The following CSMD3 variants were observed in gnomAD, a reference collection of about 807,000 sequenced individuals.
CSMD3 encodes the protein CUB and sushi domain-containing protein 3.
CSMD3 carries 177 observed loss-of-function variants against 435.2 expected under a neutral mutation model. The observed-to-expected ratio is 0.41, with a 90% CI of 0.36 to 0.46. CSMD3 has a LOEUF of 0.46. CSMD3 is among the 20% of genes least tolerant of loss of function. CSMD3 has a pLI of 0.34. For missense variants in CSMD3, 4,265 were observed against 4,504.6 expected (o/e 0.95, Z 1.52); for synonymous variants, 1,656 against 1,520.5 (o/e 1.09, Z -2.07).
At chr8:112,923,357 C>T (rs759648477) in intron 9 of CSMD3, among the ~76,000 whole-genome samples, 1 of 152,078 alleles carries the variant, frequency 6.6e-6, no homozygotes, top group African/African-American at 2.4e-5. Context: ...CTTAAAATTG[C>T]CGATGTGATT....
chr8:112,263,974 C>T (rs1263874374), intron 60 of CSMD3, among the ~76,000 whole-genome samples, 162 bp from the exon 61 acceptor site: 1 of 152,138 alleles, frequency 6.6e-6, no homozygotes, highest in Non-Finnish European at 1.5e-5. Flanking sequence ...CTGAGTCATT[C>T]CTGGAATTAA....
rs141867381 is a variant in CSMD3, at chr8:113,207,259, T to C, written c.515-33343A>G. Among the ~76,000 whole-genome samples the C allele has an allele frequency of 2.7e-4, 41 of 152,260 alleles. No homozygotes were observed. The East Asian group carries it at 7.3e-3, about 27-fold the overall frequency. The stretch of plus-strand genomic sequence containing the variant: ...TTGGGACCTTTATTTTTCTTATTCA[T>C]ATTTTTATTTTAATCAAGCCAAAGC... On this transcript the variant is annotated intron_variant, in intron 3 of 70. Transcript: ENST00000297405.
At chr8:112,962,598 C>A (rs1400753519) in intron 7 of CSMD3, among the ~76,000 whole-genome samples, 1 of 151,736 alleles carries the variant, frequency 6.6e-6, no homozygotes, top group South Asian at 2.1e-4. Flanking sequence ...AACAGTCCAT[C>A]ATCCCTGTGA....
chr8:112,999,261 T>A (rs976460321), intron 6 of CSMD3, among the ~76,000 whole-genome samples: 14 of 151,918 alleles, frequency 9.2e-5, no homozygotes, highest in Non-Finnish European at 1.8e-4. Context: ...AATAGAGTAG[T>A]TCGGAAGACC....
chr8:112,823,599 A>T (rs1214469876), intron 12 of CSMD3, among the ~76,000 whole-genome samples: 1 of 152,160 alleles, frequency 6.6e-6, no homozygotes, highest in Non-Finnish European at 1.5e-5. Context: ...ATTCAGGAGC[A>T]GGTTGTTCAG....
At chr8:113,133,249 G>A (rs962697116) in intron 4 of CSMD3, among the ~76,000 whole-genome samples, 126 of 152,138 alleles carry the variant, frequency 8.3e-4, no homozygotes, top group African/African-American at 2.8e-3. Flanking sequence ...AAAAATGGAT[G>A]AAGGAATTGT....
At chr8:113,139,350 A>C (rs1425344268) in intron 4 of CSMD3, among the ~76,000 whole-genome samples, 2 of 151,080 alleles carry the variant, frequency 1.3e-5, no homozygotes, top group Admixed American at 6.6e-5. Flanking sequence ...AAATTGTAAC[A>C]CTGGTTGTAA....
chr8:112,768,833 C>T (rs1408544460), intron 13 of CSMD3, among the ~76,000 whole-genome samples: 1 of 151,860 alleles, frequency 6.6e-6, no homozygotes, highest in African/African-American at 2.4e-5. Context: ...TAAAGCCATT[C>T]CCATCAGGCT....
intron 9 of CSMD3, among the ~76,000 whole-genome samples, chr8:112,946,855 A>T (rs549317891): frequency 6.6e-6 from 1 of 151,896 alleles, no homozygotes; most frequent in South Asian, 2.1e-4. Flanking sequence ...CTCCAAGTAT[A>T]GCAAAATGTA....
intron 11 of CSMD3, among the ~76,000 whole-genome samples, chr8:112,840,650 A>G (rs2080153268): frequency 6.6e-6 from 1 of 151,726 alleles, no homozygotes; most frequent in South Asian, 2.1e-4. Context: ...TCTGTATTTC[A>G]CTGCAACCTT....
intron 13 of CSMD3, among the ~76,000 whole-genome samples, chr8:112,693,128 A>T (rs1034807824): frequency 1.3e-5 from 2 of 152,088 alleles, no homozygotes; most frequent in Non-Finnish European, 2.9e-5. Context: ...ACCAATAAAT[A>T]AACAGACAAG....
chr8:113,176,015 C>T (rs544123416), intron 3 of CSMD3, among the ~76,000 whole-genome samples: 1 of 151,752 alleles, frequency 6.6e-6, no homozygotes, highest in African/African-American at 2.4e-5. Context: ...GAATAAAGTA[C>T]CTAAAGCAAA....
chr8:112,420,615 GA>G (rs111366137), intron 32 of CSMD3, among the ~76,000 whole-genome samples: 11 of 151,568 alleles, frequency 7.3e-5, no homozygotes, highest in South Asian at 2.1e-4. Context: ...ATATATTTGT[GA>G]AAAAAAATGA....
At chr8:112,488,978 C>CT (rs1208711442) in intron 31 of CSMD3, among the ~76,000 whole-genome samples, 1 of 151,854 alleles carries the variant, frequency 6.6e-6, no homozygotes, top group Non-Finnish European at 1.5e-5. Flanking sequence ...ATATGAGCTA[C>CT]TTTTTTATTA....
chr8:113,202,021 G>T (rs1588265805), intron 3 of CSMD3, among the ~76,000 whole-genome samples: 1 of 152,112 alleles, frequency 6.6e-6, no homozygotes, highest in East Asian at 1.9e-4. Context: ...CAAAGCTGGA[G>T]AAAAGTAAAG....
intron 50 of CSMD3, among the ~76,000 whole-genome samples, chr8:112,307,222 C>T (rs534766169): frequency 6.6e-6 from 1 of 152,022 alleles, no homozygotes; most frequent in East Asian, 1.9e-4. Context: ...CTTCTAGGCT[C>T]AAGTGATCCT....
chr8:113,269,004 C>T (rs189916485), intron 3 of CSMD3, among the ~76,000 whole-genome samples: 64 of 152,182 alleles, frequency 4.2e-4, no homozygotes, highest in African/African-American at 1.4e-3. Flanking sequence ...CCTTTTACTA[C>T]AATTAATGCT....
At chr8:113,306,854 T>C (rs1355974775) in intron 2 of CSMD3, among the ~76,000 whole-genome samples, 2 of 152,154 alleles carry the variant, frequency 1.3e-5, no homozygotes, top group East Asian at 1.9e-4. Flanking sequence ...TTCACTCTAA[T>C]TTCTGTTCCT....
intron 1 of CSMD3, chr8:113,376,522 T>C (rs4876512): frequency 0.11 from 59,012 of 545,432 alleles, 5,697 homozygotes; most frequent in African/African-American, 0.37. Context: ...GCAAATTCTG[T>C]CTTCTGTCTT....
Sources: gnomAD v4.1 joint callset for allele counts (sites outside exome capture counted in the v4.1 genomes callset) on GRCh38, gnomAD v4.1.1 for gene constraint, MANE v1.5 for transcripts, NCBI Gene and HGNC (gene_info 2026-07-23, HGNC 2026-07-21) for gene names.